SLC35F1: variants seen among roughly 807,000 people sequenced by gnomAD.
The protein encoded by SLC35F1 is chromosome 6 open reading frame 169.
Under a neutral mutation model 48.7 loss-of-function variants are expected in SLC35F1, and 14 were observed. The ratio of observed to expected loss-of-function variants is 0.29; its 90% confidence interval spans 0.19 to 0.45. The LOEUF (loss-of-function observed/expected upper bound fraction) is 0.45, where lower values mean the gene tolerates loss of function less well. Among genes scored for constraint, SLC35F1 ranks in the 20% least tolerant of loss-of-function variants. The pLI, the probability that SLC35F1 is intolerant of heterozygous loss-of-function variation, is 1.00. For missense variants in SLC35F1, 404 were observed against 500.0 expected, an observed-to-expected ratio of 0.81 and a Z score of 1.83; for synonymous variants, 190 against 202.2, an observed-to-expected ratio of 0.94 and a Z score of 0.51.
At chr6:118,271,918 T>C (rs1775856431) in intron 4 of SLC35F1, among the ~76,000 whole-genome samples, 2 of 152,206 alleles carry the variant, frequency 1.3e-5, no homozygotes, top group Admixed American at 1.3e-4. Flanking sequence ...TATTTTATTC[T>C]CACAGTAACC....
intron 1 of SLC35F1, among the ~76,000 whole-genome samples, chr6:118,121,042 A>G (rs1773546487): frequency 6.6e-6 from 1 of 152,112 alleles, no homozygotes; most frequent in Non-Finnish European, 1.5e-5. Context: ...TTCAAAGAAG[A>G]TAGGGTGCCA....
chr6:118,289,110 T>A (rs889547173), intron 7 of SLC35F1, among the ~76,000 whole-genome samples: 3 of 152,196 alleles, frequency 2.0e-5, no homozygotes, highest in Non-Finnish European at 4.4e-5. Flanking sequence ...GTGTTACCCT[T>A]AGGGATTGAG....
chr6:118,078,051 A>G (rs951688110), intron 1 of SLC35F1, among the ~76,000 whole-genome samples: 1 of 152,196 alleles, frequency 6.6e-6, no homozygotes, highest in Non-Finnish European at 1.5e-5. Context: ...GACTAAAGCA[A>G]TGGAACCTTT....
At chr6:118,082,349 A>G (rs1772923443) in intron 1 of SLC35F1, among the ~76,000 whole-genome samples, 1 of 152,228 alleles carries the variant, frequency 6.6e-6, no homozygotes, top group African/African-American at 2.4e-5. Flanking sequence ...ATTATAAGAT[A>G]CTGATAACTA....
At chr6:118,032,301 C>T (rs971799050) in intron 1 of SLC35F1, among the ~76,000 whole-genome samples, 2 of 151,918 alleles carry the variant, frequency 1.3e-5, no homozygotes, top group Admixed American at 6.6e-5. Flanking sequence ...GAACAGGGTC[C>T]GTTTACAGAT....
At chr6:118,218,791 G>A (rs1775107605) in intron 2 of SLC35F1, among the ~76,000 whole-genome samples, 1 of 152,134 alleles carries the variant, frequency 6.6e-6, no homozygotes, top group Non-Finnish European at 1.5e-5. Context: ...TCAAGTCCTG[G>A]AAATGTATTG....
intron 2 of SLC35F1, among the ~76,000 whole-genome samples, chr6:118,190,157 A>C (rs916547317): frequency 1.3e-5 from 2 of 152,114 alleles, no homozygotes; most frequent in Non-Finnish European, 2.9e-5. Context: ...TGATGCCACT[A>C]TTACCTTGTA....
At chr6:118,186,169 A>G (rs1331590263) in intron 2 of SLC35F1, among the ~76,000 whole-genome samples, 3 of 151,958 alleles carry the variant, frequency 2.0e-5, no homozygotes, top group Admixed American at 6.6e-5. Context: ...ACCCCAACAT[A>G]TACCCTAGCT....
rs191622748 is a variant in SLC35F1, at chr6:118,165,129, G to A, written c.349+10509G>A. Among the ~76,000 whole-genome samples, 174 of 152,288 alleles carry A rather than the reference G, an allele frequency of 1.1e-3. 2 individuals carry two copies. The highest frequency in any genetic ancestry group is 0.011 in the South Asian group (55 of 4,818). ...CCAAGCTATGAGAGATTATAAAGGG[G>A]AAGGGAGGGTTGCCAAAGGAAGAAG... On this transcript the variant is annotated intron_variant, in intron 2 of 7. Transcript: ENST00000360388.
At chr6:117,919,225 G>C (rs1775865665) in intron 1 of SLC35F1, among the ~76,000 whole-genome samples, 1 of 152,158 alleles carries the variant, frequency 6.6e-6, no homozygotes, top group Admixed American at 6.6e-5. Flanking sequence ...TCACTTCAAG[G>C]TTTTATGTCT....
chr6:117,970,801 G>A lies in SLC35F1; in HGVS notation c.173+62902G>A, dbSNP rs147394573. On this transcript the variant is annotated intron_variant, in intron 1 of 7. Coordinates refer to ENST00000360388, the MANE Select transcript of SLC35F1 (RefSeq NM_001029858.4). ...ATTCACTGTCACAAGAACAGCATGG[G>A]GAAGACTCGCCCCTATGTTTCAATT... is the stretch of plus-strand genomic sequence containing the variant. 3.5e-3 allele frequency among the ~76,000 whole-genome samples: 540 copies of A among 152,212 alleles called. 1 individual carries two copies. The highest frequency in any genetic ancestry group is 4.8e-3 in the Non-Finnish European group (327 of 68,024).
At chr6:118,173,225 T>C (rs994759399) in intron 2 of SLC35F1, among the ~76,000 whole-genome samples, 4 of 151,934 alleles carry the variant, frequency 2.6e-5, no homozygotes, top group African/African-American at 9.7e-5. Flanking sequence ...TGATAAGCTG[T>C]AAAATTACAG....
At chr6:118,239,924 TC>T (rs1158356790) in intron 3 of SLC35F1, among the ~76,000 whole-genome samples, 1 of 152,208 alleles carries the variant, frequency 6.6e-6, no homozygotes, top group African/African-American at 2.4e-5. Flanking sequence ...AGAAGGCATT[TC>T]CTCTGTGAGC....
Position 118,314,332 on chromosome 6 carries a change from G to T in SLC35F1, c.*80G>T, listed in dbSNP as rs1776407301. On this transcript the variant is annotated 3_prime_UTR_variant, in exon 8 of 8. Transcript: ENST00000360388. ...CATCTCTGTATTGTACATAGAGAAA[G>T]GTATTTACTAGGTGCAGTTTACACA... is the stretch of plus-strand genomic sequence containing the variant. The T allele has an allele frequency of 6.2e-6, 8 of 1,287,556 alleles. No homozygotes were observed. Among genetic ancestry groups the T allele is most frequent in the Non-Finnish European group, 7.7e-6 (7 of 903,964 alleles). 79.8% of individuals were successfully genotyped at this position (1,287,556 alleles called of 1,614,324 possible). A position where few individuals can be genotyped will look rare whatever the true frequency, so the allele number is the denominator to read the frequency against.
At chr6:118,166,990 A>T (rs1024859321) in intron 2 of SLC35F1, among the ~76,000 whole-genome samples, 10 of 152,314 alleles carry the variant, frequency 6.6e-5, no homozygotes, top group African/African-American at 2.4e-4. Context: ...GATTTCTCTT[A>T]TATAAATTTC....
At chr6:118,066,300 A>T (rs1412674443) in intron 1 of SLC35F1, among the ~76,000 whole-genome samples, 2 of 152,224 alleles carry the variant, frequency 1.3e-5, no homozygotes, top group African/African-American at 4.8e-5. Context: ...TGTCAATAAA[A>T]TGTCTAAGAT....
At chr6:118,103,945 T>C (rs781137374) in intron 1 of SLC35F1, among the ~76,000 whole-genome samples, 1 of 152,232 alleles carries the variant, frequency 6.6e-6, no homozygotes, top group Non-Finnish European at 1.5e-5. Flanking sequence ...TATCAGCAGA[T>C]GGCTTCTAGT....
intron 2 of SLC35F1, among the ~76,000 whole-genome samples, chr6:118,169,424 A>G (rs1001225358): frequency 6.6e-6 from 1 of 152,188 alleles, no homozygotes; most frequent in African/African-American, 2.4e-5. Context: ...AACTTAAAGA[A>G]CCCACATTAT....
chr6:118,039,423 T>C (rs1772179524), intron 1 of SLC35F1, among the ~76,000 whole-genome samples: 1 of 152,152 alleles, frequency 6.6e-6, no homozygotes, highest in East Asian at 1.9e-4. Context: ...TTAGCTATTA[T>C]TTCTTTAAAT....
Sources: allele counts gnomAD v4.1 joint callset (sites outside exome capture counted in the v4.1 genomes callset), GRCh38; gene constraint gnomAD v4.1.1; transcripts MANE v1.5; gene names NCBI Gene and HGNC (gene_info 2026-07-23, HGNC 2026-07-21).